The following TANC2 variants were observed in gnomAD, a reference collection of about 807,000 sequenced individuals.
TANC2 encodes the protein tetratricopeptide repeat, ankyrin repeat and coiled-coil containing 2.
A neutral mutation model predicts 210.5 loss-of-function variants in TANC2; 26 were observed. The ratio of observed to expected loss-of-function variants is 0.12; its 90% CI spans 0.09 to 0.17. The LOEUF is 0.17. TANC2 is among the 10% of genes least tolerant of loss of function. The pLI is 1.00. For missense variants in TANC2, 2,129 were observed against 2,608.9 expected, an observed-to-expected ratio of 0.82 and a Z score of 4.01; for synonymous variants, 931 against 967.1, an observed-to-expected ratio of 0.96 and a Z score of 0.69.
intron 14 of TANC2, among the ~76,000 whole-genome samples, chr17:63,363,403 C>G (rs2047020083): frequency 6.6e-6 from 1 of 152,146 alleles, no homozygotes; most frequent in Non-Finnish European, 1.5e-5. Context: ...CTTGTCTGTG[C>G]TTTTGGGGTA....
At chr17:63,075,447 ATT>A (rs2036536884) in intron 3 of TANC2, among the ~76,000 whole-genome samples, 1 of 152,194 alleles carries the variant, frequency 6.6e-6, no homozygotes, top group Non-Finnish European at 1.5e-5. Context: ...GAATTGTATC[ATT>A]GTTAGAGTTA....
At chr17:63,023,761 TATAAC>T (rs2034442406) in intron 2 of TANC2, among the ~76,000 whole-genome samples, 1 of 152,186 alleles carries the variant, frequency 6.6e-6, no homozygotes, top group African/African-American at 2.4e-5. Flanking sequence ...AATGTGGCCT[TATAAC>T]AGAAAATAAG....
intron 9 of TANC2, among the ~76,000 whole-genome samples, chr17:63,287,427 G>A (rs2044258021): frequency 6.6e-6 from 1 of 151,838 alleles, no homozygotes; most frequent in Non-Finnish European, 1.5e-5. Context: ...ATATTTTCTT[G>A]CTTCTTTGCA....
intron 18 of TANC2, 140 bp from the exon 19 acceptor site, chr17:63,398,681 G>T (rs1158433736): frequency 1.9e-6 from 1 of 533,616 alleles, no homozygotes; most frequent in Non-Finnish European, 3.4e-6. Context: ...TCTTTATTAG[G>T]ACGGTCAATT....
At chr17:63,322,497 CA>C (rs200432321) in intron 11 of TANC2, among the ~76,000 whole-genome samples, 1 of 150,172 alleles carries the variant, frequency 6.7e-6, no homozygotes, top group Non-Finnish European at 1.5e-5. Flanking sequence ...GACTACGTCT[CA>C]AAAAAAAAGA....
intron 3 of TANC2, among the ~76,000 whole-genome samples, chr17:63,076,810 A>G (rs1368699708): frequency 1.3e-5 from 2 of 152,198 alleles, no homozygotes; most frequent in African/African-American, 4.8e-5. Context: ...AAAGCTTCGT[A>G]GAATTATCAG....
intron 1 of TANC2, among the ~76,000 whole-genome samples, chr17:62,972,957 C>T (rs917046627): frequency 6.6e-6 from 1 of 152,164 alleles, no homozygotes; most frequent in East Asian, 1.9e-4. Context: ...TTTGCTTACT[C>T]CTCCAGGTGG....
intron 8 of TANC2, among the ~76,000 whole-genome samples, chr17:63,240,652 C>T (rs547140105): frequency 6.6e-6 from 1 of 152,294 alleles, no homozygotes; most frequent in East Asian, 1.9e-4. Context: ...AACAAGCAAG[C>T]TGGTTAATTT....
intron 14 of TANC2, among the ~76,000 whole-genome samples, chr17:63,363,104 T>C (rs991829262): frequency 1.3e-5 from 2 of 152,232 alleles, no homozygotes; most frequent in South Asian, 4.1e-4. Flanking sequence ...AGTTTTCATT[T>C]GAATTTCTGT....
chr17:63,163,974 C>T (rs993283900), intron 5 of TANC2, among the ~76,000 whole-genome samples: 24 of 152,064 alleles, frequency 1.6e-4, no homozygotes, highest in Admixed American at 1.6e-3. Context: ...TAATGTTATA[C>T]TTTGAAAATT....
At chr17:63,128,275 T>G (rs1351800696) in intron 4 of TANC2, among the ~76,000 whole-genome samples, 1 of 152,180 alleles carries the variant, frequency 6.6e-6, no homozygotes, top group Non-Finnish European at 1.5e-5. Flanking sequence ...GATAAATGCT[T>G]GAGGTGATAG....
Position 63,308,583 on chromosome 17 carries a change from A to C in TANC2, c.1160-5805A>C, listed in dbSNP as rs2045006062. Among the ~76,000 whole-genome samples, 5 of 152,300 alleles carry C rather than the reference A, an allele frequency of 3.3e-5. No individual in the cohort carries two copies. In the South Asian group the frequency reaches 1.0e-3, roughly 32 times the overall value. ...TATATTTATATATTTTTTGATTTTTAAAATCATTCTGTAATAGCTACAACA... is the reference window on the plus strand; with the variant it reads ...TATATTTATATATTTTTTGATTTTTCAAATCATTCTGTAATAGCTACAACA... On this transcript the variant is annotated intron_variant, in intron 9 of 27. Coordinates refer to ENST00000689528, the Ensembl canonical transcript of TANC2.
intron 1 of TANC2, among the ~76,000 whole-genome samples, chr17:62,983,930 T>A (rs1017664879): frequency 6.6e-6 from 1 of 152,212 alleles, no homozygotes; most frequent in East Asian, 1.9e-4. Flanking sequence ...GTAGTCTCCT[T>A]TTTTTGTTGT....
chr17:63,080,694 C>A (rs2036740992), intron 3 of TANC2, among the ~76,000 whole-genome samples: 1 of 152,114 alleles, frequency 6.6e-6, no homozygotes, highest in South Asian at 2.1e-4. Context: ...ACAAATTATT[C>A]TTCAGTCTGG....
intron 8 of TANC2, among the ~76,000 whole-genome samples, chr17:63,261,185 A>G (rs531666259): frequency 3.2e-4 from 49 of 152,248 alleles, no homozygotes; most frequent in Admixed American, 7.9e-4. Context: ...TTGAGACTGC[A>G]GTGGGCTGTG....
At chr17:63,256,033 G>A (rs1265588015) in intron 8 of TANC2, among the ~76,000 whole-genome samples, 2 of 150,894 alleles carry the variant, frequency 1.3e-5, no homozygotes, top group African/African-American at 4.9e-5. Context: ...AGCCTCCGGA[G>A]TAGCTGGGAT....
chr17:63,241,115 A>G (rs564805325), intron 8 of TANC2, among the ~76,000 whole-genome samples: 1 of 152,312 alleles, frequency 6.6e-6, no homozygotes, highest in Admixed American at 6.5e-5. Flanking sequence ...ACTATAGAAT[A>G]TAGTCTTCTC....
At chr17:62,994,048 A>G (rs1397561629) in intron 1 of TANC2, among the ~76,000 whole-genome samples, 1 of 152,210 alleles carries the variant, frequency 6.6e-6, no homozygotes, top group Non-Finnish European at 1.5e-5. Flanking sequence ...ATATGAGGTC[A>G]TGTCATTTGT....
intron 2 of TANC2, 66 bp from the exon 3 acceptor site, chr17:63,073,877 A>C (rs2036483398): frequency 3.1e-6 from 4 of 1,277,390 alleles, no homozygotes; most frequent in African/African-American, 1.5e-5. Context: ...AATGTAGATA[A>C]TGTCAGAGAC....
Sources: gnomAD v4.1 joint callset for allele counts (sites outside exome capture counted in the v4.1 genomes callset) on GRCh38, gnomAD v4.1.1 for gene constraint, MANE v1.5 for transcripts, NCBI Gene and HGNC (gene_info 2026-07-23, HGNC 2026-07-21) for gene names.